CADPS: variants seen among roughly 807,000 people sequenced by gnomAD.
CADPS encodes the protein calcium-dependent secretion activator 1.
CADPS carries 57 observed loss-of-function variants against 167.3 expected under a neutral mutation model. The observed-to-expected ratio is 0.34, with a 90% confidence interval of 0.28 to 0.42. The LOEUF (loss-of-function observed/expected upper bound fraction) is 0.42, where lower values mean the gene tolerates loss of function less well. Ranked by LOEUF, CADPS falls within the 20% of genes least tolerant of loss-of-function variation. The pLI is 1.00. For missense variants in CADPS, 1,414 were observed against 1,738.1 expected, an observed-to-expected ratio of 0.81 and a Z score of 3.32; for synonymous variants, 676 against 635.3, an observed-to-expected ratio of 1.06 and a Z score of -0.96.
intron 1 of CADPS, among the ~76,000 whole-genome samples, chr3:62,808,321 T>A (rs1158361889): frequency 6.6e-6 from 1 of 151,868 alleles, no homozygotes; most frequent in Non-Finnish European, 1.5e-5. Context: ...AAAATGAGAC[T>A]TAGAGAGGTC....
chr3:62,426,101 G>A (rs371802276), intron 28 of CADPS, among the ~76,000 whole-genome samples: 27 of 152,104 alleles, frequency 1.8e-4, no homozygotes, highest in Admixed American at 5.9e-4. Context: ...TTTTCTCTCC[G>A]CTGCAAAGCC....
chr3:62,456,478 C>A (rs886110461), intron 26 of CADPS, among the ~76,000 whole-genome samples: 1 of 152,058 alleles, frequency 6.6e-6, no homozygotes, highest in Non-Finnish European at 1.5e-5. Context: ...TCCTCTGTTA[C>A]AAATGAAAAT....
At position 62,702,009 on chromosome 3, in the gene CADPS, C is replaced by T. The variant is rs527582791; in HGVS notation, c.889-39615G>A. Among the ~76,000 whole-genome samples the T allele has an allele frequency of 2.6e-5, 4 of 152,130 alleles. 1 individual carries two copies. The highest frequency in any genetic ancestry group is 2.1e-4 in the South Asian group (1 of 4,820). On this transcript the variant is annotated intron_variant, in intron 3 of 29. Coordinates refer to ENST00000383710, the MANE Select transcript of CADPS (RefSeq NM_003716.4). The stretch of plus-strand genomic sequence containing the variant: ...TACCTTATGTAAAATGCTTATTTAC[C>T]GAGTGCCAGATGTATACCTAATTGA...
chr3:62,621,250 G>A (rs1437676332), intron 6 of CADPS, among the ~76,000 whole-genome samples: 1 of 152,142 alleles, frequency 6.6e-6, no homozygotes, highest in African/African-American at 2.4e-5. Context: ...CTAGAGGGAA[G>A]TACGGAGGAT....
intron 1 of CADPS, among the ~76,000 whole-genome samples, chr3:62,794,529 C>T (rs115777220): frequency 0.018 from 2,809 of 152,084 alleles, 76 homozygotes; most frequent in African/African-American, 0.064. Context: ...CTCCAGAGCC[C>T]ACATGTAAAC....
At position 62,502,089 on chromosome 3, in the gene CADPS, G is replaced by A. The variant is rs561673840; in HGVS notation, c.2600-2821C>T. 6.6e-5 allele frequency among the ~76,000 whole-genome samples: 10 copies of A among 152,306 alleles called. No individual in the cohort carries two copies. The South Asian group carries it at 1.9e-3, about 28-fold the overall frequency. ...GTCTTTCATTTACTATTAATTAGCT[G>A]TGATTCCATCATCTGTAGATCAAGC... On this transcript the variant is annotated intron_variant, in intron 17 of 29. Coordinates refer to ENST00000383710, the MANE Select transcript of CADPS (RefSeq NM_003716.4).
At chr3:62,460,833 G>A (rs1005312745) in intron 26 of CADPS, among the ~76,000 whole-genome samples, 13 of 152,150 alleles carry the variant, frequency 8.5e-5, no homozygotes, top group East Asian at 1.9e-4. Context: ...CTGGACATAC[G>A]GTAGGTTTCA....
chr3:62,632,657 A>G (rs758558420), intron 6 of CADPS, among the ~76,000 whole-genome samples: 10 of 152,058 alleles, frequency 6.6e-5, no homozygotes, highest in Non-Finnish European at 1.0e-4. Context: ...TTATTTCTCA[A>G]AATAGTTTCC....
At chr3:62,554,004 G>C (rs529983816) in intron 10 of CADPS, among the ~76,000 whole-genome samples, 3 of 152,312 alleles carry the variant, frequency 2.0e-5, no homozygotes, top group East Asian at 1.9e-4. Context: ...AGCTCTCTAG[G>C]GGAAAGGAAT....
At chr3:62,804,810 G>A (rs2093991474) in intron 1 of CADPS, among the ~76,000 whole-genome samples, 2 of 151,930 alleles carry the variant, frequency 1.3e-5, no homozygotes, top group South Asian at 4.2e-4. Flanking sequence ...TACTTCAAAT[G>A]GTGAAAAGAC....
chr3:62,620,247 C>G (rs1190035380), intron 6 of CADPS, among the ~76,000 whole-genome samples: 1 of 152,048 alleles, frequency 6.6e-6, no homozygotes, highest in Non-Finnish European at 1.5e-5. Context: ...TTCCAGTTCA[C>G]TCATTAAAGA....
At chr3:62,823,530 G>C (rs765237947) in intron 1 of CADPS, among the ~76,000 whole-genome samples, 2 of 152,124 alleles carry the variant, frequency 1.3e-5, no homozygotes, top group Admixed American at 1.3e-4. Context: ...AAAAGTGGTT[G>C]GGGCCAGAGA....
rs371590590 is a variant in CADPS, at chr3:62,493,739, C to T, written c.2707-74G>A. ...AGGTTGGCTTGGCTGGAAATAGACA[C>T]CTGCTGTTTCCATTTTAATTTACAG... On this transcript the variant is annotated intron_variant, in intron 18 of 29. Coordinates refer to ENST00000383710, the MANE Select transcript of CADPS (RefSeq NM_003716.4). 7.6e-6 allele frequency: 9 copies of T among 1,180,612 alleles called. No individual in the cohort carries two copies. The South Asian group carries it at 9.3e-5, about 12-fold the overall frequency. The allele number at this position is 1,180,612 out of a possible 1,614,324, so 73.1% of individuals were successfully genotyped here.
intron 17 of CADPS, among the ~76,000 whole-genome samples, chr3:62,508,537 G>C (rs959572273): frequency 1.3e-5 from 2 of 152,184 alleles, no homozygotes; most frequent in Non-Finnish European, 2.9e-5. Context: ...GAATGCATAA[G>C]TTCTTATTTC....
intron 1 of CADPS, among the ~76,000 whole-genome samples, chr3:62,804,806 A>G (rs2093990727): frequency 1.3e-5 from 2 of 152,190 alleles, no homozygotes; most frequent in Admixed American, 1.3e-4. Flanking sequence ...TATTTACTTC[A>G]AATGGTGAAA....
intron 28 of CADPS, among the ~76,000 whole-genome samples, chr3:62,406,722 G>A (rs1439168769): frequency 6.6e-6 from 1 of 152,128 alleles, no homozygotes; most frequent in Non-Finnish European, 1.5e-5. Flanking sequence ...TTTAAAATAT[G>A]CCCTCTGGGG....
intron 1 of CADPS, among the ~76,000 whole-genome samples, chr3:62,872,927 T>C (rs1200836979): frequency 6.6e-6 from 1 of 152,242 alleles, no homozygotes; most frequent in Non-Finnish European, 1.5e-5. Context: ...GTTCCTATGC[T>C]GTAAAGGCAC....
chr3:62,771,895 G>C (rs142983265), intron 1 of CADPS, among the ~76,000 whole-genome samples: 1 of 152,184 alleles, frequency 6.6e-6, no homozygotes, highest in African/African-American at 2.4e-5. Context: ...GGAGAAAACG[G>C]CATGTTCTAA....
chr3:62,849,837 G>A (rs2078199004), intron 1 of CADPS, among the ~76,000 whole-genome samples: 1 of 107,022 alleles, frequency 9.3e-6, no homozygotes, highest in Non-Finnish European at 1.9e-5. Flanking sequence ...GATTGGAATA[G>A]TTTCAGAAGG....
Sources: gnomAD v4.1 joint callset for allele counts (sites outside exome capture counted in the v4.1 genomes callset) on GRCh38, gnomAD v4.1.1 for gene constraint, MANE v1.5 for transcripts, NCBI Gene and HGNC (gene_info 2026-07-23, HGNC 2026-07-21) for gene names.